Variants in FRMD4B observed in about 807,000 individuals in gnomAD.
FRMD4B encodes FERM domain containing 4B.
In FRMD4B, 74 loss-of-function variants were observed where a neutral mutation model predicts 141.5. The observed-to-expected ratio is 0.52, with a 90% CI of 0.43 to 0.63. FRMD4B has a LOEUF of 0.63. FRMD4B is among the 30% of genes least tolerant of loss of function. The pLI, the probability that FRMD4B is intolerant of heterozygous loss-of-function variation, is 0.00. For synonymous variants in FRMD4B, 506 were observed against 467.9 expected, an observed-to-expected ratio of 1.08 and a Z score of -1.05; for missense variants, 1,366 against 1,253.4, an observed-to-expected ratio of 1.09 and a Z score of -1.36.
chr3:69,391,569 TAGA>T (rs1477177624), intron 2 of FRMD4B, among the ~76,000 whole-genome samples: 2 of 152,178 alleles, frequency 1.3e-5, no homozygotes, highest in Non-Finnish European at 1.5e-5. Context: ...TCCATAGTAC[TAGA>T]AGAAGTCTTT....
intron 3 of FRMD4B, among the ~76,000 whole-genome samples, chr3:69,308,896 A>C (rs956721166): frequency 2.0e-5 from 3 of 152,042 alleles, no homozygotes; most frequent in Non-Finnish European, 4.4e-5. Flanking sequence ...GTCCTAGCCC[A>C]CCCTGTCTAA....
chr3:69,330,025 A>T (rs2107324743), intron 1 of FRMD4B, among the ~76,000 whole-genome samples: 1 of 152,208 alleles, frequency 6.6e-6, no homozygotes, highest in South Asian at 2.1e-4. Flanking sequence ...CTCATATCAG[A>T]TCCTCTGTGT....
Position 69,168,824 on chromosome 3 carries a change from CT to C in FRMD4B, c.*3036del. 6.6e-6 allele frequency among the ~76,000 whole-genome samples: 1 copy of C among 152,062 alleles called. No individual in the cohort carries two copies. On this transcript the variant is annotated 3_prime_UTR_variant, in exon 23 of 23. Coordinates refer to ENST00000398540, the MANE Select transcript of FRMD4B (RefSeq NM_015123.3). ...ATCTTTATTTCTTGTAATATTTAAG[CT>C]TTTGTGAGTACAAGGAAGAATTTTG...
intron 2 of FRMD4B, among the ~76,000 whole-genome samples, chr3:69,397,319 G>A (rs183188730): frequency 5.3e-4 from 80 of 152,140 alleles, no homozygotes; most frequent in African/African-American, 1.9e-3. Context: ...GAGTTGGGGC[G>A]TGAGGTGTCG....
At chr3:69,246,865 C>T (rs991702099) in intron 7 of FRMD4B, among the ~76,000 whole-genome samples, 3 of 152,336 alleles carry the variant, frequency 2.0e-5, no homozygotes, top group Admixed American at 1.3e-4. Context: ...AGAATTAACT[C>T]GCCAACCTTG....
chr3:69,515,542 A>G (rs62252350), intron 1 of FRMD4B, among the ~76,000 whole-genome samples: 23,636 of 152,148 alleles, frequency 0.16, 1,919 homozygotes, highest in South Asian at 0.23. Context: ...ATTCAATACT[A>G]TTTTATTTAC....
At chr3:69,358,085 T>C (rs1466944261) in intron 1 of FRMD4B, among the ~76,000 whole-genome samples, 1 of 152,232 alleles carries the variant, frequency 6.6e-6, no homozygotes, top group Non-Finnish European at 1.5e-5. Flanking sequence ...ACTCTGCAAT[T>C]GAGGAATTAC....
chr3:69,470,550 T>C (rs1705870269), intron 1 of FRMD4B, among the ~76,000 whole-genome samples: 1 of 152,180 alleles, frequency 6.6e-6, no homozygotes. Flanking sequence ...AAGTTACTTG[T>C]GGTCTTCAGA....
chr3:69,454,529 C>T (rs1705554548), intron 1 of FRMD4B, among the ~76,000 whole-genome samples: 1 of 152,226 alleles, frequency 6.6e-6, no homozygotes, highest in South Asian at 2.1e-4. Context: ...CCTGCACTCC[C>T]AGCAGCTGGC....
intron 22 of FRMD4B, 140 bp from the exon 23 acceptor site, chr3:69,172,121 A>C: frequency 1.5e-6 from 1 of 683,180 alleles, no homozygotes; most frequent in Non-Finnish European, 2.6e-6. Context: ...GGAAAGGAGA[A>C]GGGTGACTGC....
At chr3:69,365,366 C>T (rs774627045) in intron 1 of FRMD4B, among the ~76,000 whole-genome samples, 21 of 152,144 alleles carry the variant, frequency 1.4e-4, no homozygotes, top group Non-Finnish European at 2.6e-4. Flanking sequence ...GACATCTCTA[C>T]TAATAAATGA....
chr3:69,401,252 T>C (rs57837961), intron 2 of FRMD4B, among the ~76,000 whole-genome samples: 9,863 of 152,162 alleles, frequency 0.065, 989 homozygotes, highest in African/African-American at 0.21. Context: ...TCCATAGCAA[T>C]GGAAATATAT....
intron 1 of FRMD4B, among the ~76,000 whole-genome samples, chr3:69,348,384 CA>C (rs1488088397): frequency 2.6e-5 from 4 of 152,188 alleles, no homozygotes; most frequent in African/African-American, 9.7e-5. Flanking sequence ...GATGGATTCA[CA>C]GCCAAATTCT....
chr3:69,429,027 C>A (rs1278951442), intron 2 of FRMD4B, among the ~76,000 whole-genome samples: 7 of 152,156 alleles, frequency 4.6e-5, no homozygotes, highest in Non-Finnish European at 1.0e-4. Flanking sequence ...GTCAGGATTT[C>A]ATAATACACA....
At chr3:69,230,086 C>G (rs1249715086) in intron 7 of FRMD4B, among the ~76,000 whole-genome samples, 1 of 151,870 alleles carries the variant, frequency 6.6e-6, no homozygotes, top group Non-Finnish European at 1.5e-5. Context: ...AAGCAATTCT[C>G]TGCCTCAGCT....
At chr3:69,344,358 A>G (rs1575749686) in intron 1 of FRMD4B, among the ~76,000 whole-genome samples, 1 of 152,250 alleles carries the variant, frequency 6.6e-6, no homozygotes. Flanking sequence ...AAAGGACAGA[A>G]GGAGGGAGGA....
intron 3 of FRMD4B, among the ~76,000 whole-genome samples, chr3:69,307,284 A>G (rs1701428477): frequency 1.3e-5 from 2 of 152,174 alleles, no homozygotes; most frequent in African/African-American, 4.8e-5. Context: ...TTTGAGAAAG[A>G]AATCTCAGGG....
chr3:69,180,246 C>CAAA (rs71115658), intron 21 of FRMD4B, among the ~76,000 whole-genome samples: 62 of 100,962 alleles, frequency 6.1e-4, no homozygotes, highest in East Asian at 5.7e-3. Flanking sequence ...CTTGTTTCTA[C>CAAA]AAAAAAAAAA....
At chr3:69,265,082 C>CG (rs35552431) in intron 5 of FRMD4B, among the ~76,000 whole-genome samples, 70,771 of 148,738 alleles carry the variant, frequency 0.48, 17,034 homozygotes, top group East Asian at 0.56. Context: ...GGTGAAACCC[C>CG]TCTCTACTAA....
Sources: allele counts gnomAD v4.1 joint callset (sites outside exome capture counted in the v4.1 genomes callset), GRCh38; gene constraint gnomAD v4.1.1; transcripts MANE v1.5; gene names NCBI Gene and HGNC (gene_info 2026-07-23, HGNC 2026-07-21).